XKR9: variants seen among roughly 807,000 people sequenced by gnomAD.
XKR9 encodes the protein XK related 9, also known as XK-related protein 9.
In XKR9, 32 loss-of-function variants were observed where a neutral mutation model predicts 32.0. That is an observed-to-expected ratio of 1.00 (90% CI 0.76 to 1.34). XKR9 has a LOEUF of 1.34. Among genes scored for constraint, XKR9 ranks in the 40% most tolerant of loss-of-function variants. The pLI is 0.00. For synonymous variants in XKR9, 168 were observed against 143.4 expected (o/e 1.17, Z -1.22); for missense variants, 546 against 429.7 (o/e 1.27, Z -2.39).
the XKR9 span, among the ~76,000 whole-genome samples, chr8:70,831,252 C>G: frequency 6.9e-6 from 1 of 145,112 alleles, no homozygotes; most frequent in South Asian, 2.1e-4. Flanking sequence ...GATCGTGCCA[C>G]TGCACTCTAG....
At chr8:70,766,254 AC>A (rs1440205337) in intron 2 of XKR9, among the ~76,000 whole-genome samples, 1 of 152,106 alleles carries the variant, frequency 6.6e-6, no homozygotes, top group Non-Finnish European at 1.5e-5. Flanking sequence ...ATGTTCTTCC[AC>A]TTGTTTGTGT....
chr8:71,043,362 C>T, the XKR9 span, among the ~76,000 whole-genome samples: 44 of 152,280 alleles, frequency 2.9e-4, no homozygotes, highest in African/African-American at 1.0e-3. Context: ...ATGTCCAATT[C>T]TGAGTTGAAA....
chr8:71,044,046 T>C, the XKR9 span, among the ~76,000 whole-genome samples: 1 of 152,142 alleles, frequency 6.6e-6, no homozygotes, highest in Non-Finnish European at 1.5e-5. Context: ...GTTGGAAGGA[T>C]TCATTAAAAT....
chr8:70,813,560 T>C, the XKR9 span, among the ~76,000 whole-genome samples: 1 of 151,962 alleles, frequency 6.6e-6, no homozygotes, highest in Non-Finnish European at 1.5e-5. Context: ...AGGGCTAATA[T>C]CCAGAATCTA....
chr8:70,997,232 G>A, the XKR9 span, among the ~76,000 whole-genome samples: 2 of 151,950 alleles, frequency 1.3e-5, no homozygotes, highest in East Asian at 1.9e-4. Context: ...GGAAGGCGGA[G>A]GTTGCAGTGA....
intron 2 of XKR9, among the ~76,000 whole-genome samples, chr8:70,745,581 G>T (rs1807047465): frequency 6.6e-6 from 1 of 152,136 alleles, no homozygotes; most frequent in South Asian, 2.1e-4. Context: ...CTTGAAATTT[G>T]CGTGTTTAAA....
intron 2 of XKR9, among the ~76,000 whole-genome samples, chr8:70,746,815 T>C (rs532916977): frequency 6.6e-5 from 10 of 151,972 alleles, no homozygotes; most frequent in Non-Finnish European, 1.3e-4. Context: ...ATTTGTTACA[T>C]TGGTATATTA....
intron 4 of XKR9, among the ~76,000 whole-genome samples, chr8:70,716,147 G>T (rs1384909217): frequency 1.3e-5 from 2 of 151,426 alleles, no homozygotes; most frequent in South Asian, 2.1e-4. Flanking sequence ...GTATATAGAG[G>T]AGTTTTATTA....
chr8:70,877,294 G>C, the XKR9 span, among the ~76,000 whole-genome samples: 1 of 152,302 alleles, frequency 6.6e-6, no homozygotes, highest in South Asian at 2.1e-4. Context: ...TTTAAGGTTA[G>C]ATTTGGGTGG....
At chr8:70,693,002 T>G (rs1805135174) in intron 3 of XKR9, among the ~76,000 whole-genome samples, 1 of 152,212 alleles carries the variant, frequency 6.6e-6, no homozygotes, top group Non-Finnish European at 1.5e-5. Flanking sequence ...TTGTGTGGTT[T>G]TTGTCTTTAG....
chr8:70,726,048 C>G (rs1419263796), intron 4 of XKR9, among the ~76,000 whole-genome samples: 1 of 152,178 alleles, frequency 6.6e-6, no homozygotes, highest in Non-Finnish European at 1.5e-5. Context: ...TGAGCAGAAT[C>G]CAATTTGAGG....
intron 3 of XKR9, among the ~76,000 whole-genome samples, chr8:70,701,172 G>A (rs912488743): frequency 3.9e-5 from 6 of 152,108 alleles, no homozygotes; most frequent in East Asian, 3.9e-4. Context: ...GCTTCGGCTC[G>A]TGCACAGTGT....
At chr8:71,047,134 C>T in the XKR9 span, among the ~76,000 whole-genome samples, 527 of 152,260 alleles carry the variant, frequency 3.5e-3, 4 homozygotes, top group Non-Finnish European at 6.1e-3. Flanking sequence ...GAGAATTATG[C>T]GTGGTTTGTC....
intron 2 of XKR9, among the ~76,000 whole-genome samples, chr8:70,763,663 T>A: frequency 6.6e-6 from 1 of 152,142 alleles, no homozygotes; most frequent in South Asian, 2.1e-4. Context: ...TCTGAAAAAA[T>A]TATTTTTTTC....
At chr8:71,013,129 G>C in the XKR9 span, among the ~76,000 whole-genome samples, 2 of 152,160 alleles carry the variant, frequency 1.3e-5, no homozygotes, top group Non-Finnish European at 2.9e-5. Context: ...TAGAACTTAA[G>C]CTCGTTTCGA....
chr8:70,973,821 G>T, the XKR9 span, among the ~76,000 whole-genome samples: 1 of 152,164 alleles, frequency 6.6e-6, no homozygotes, highest in Non-Finnish European at 1.5e-5. Context: ...TGTCGTTGGA[G>T]AGAGTACTTG....
At chr8:70,755,527 A>G (rs1285234771) in intron 2 of XKR9, among the ~76,000 whole-genome samples, 1 of 152,156 alleles carries the variant, frequency 6.6e-6, no homozygotes, top group Non-Finnish European at 1.5e-5. Context: ...CAACAATGAT[A>G]GACTGGATTA....
the XKR9 span, among the ~76,000 whole-genome samples, chr8:70,902,075 G>C: frequency 1.4e-3 from 220 of 152,316 alleles, 2 homozygotes; most frequent in Non-Finnish European, 8.1e-4. Flanking sequence ...ATAGTTTGAA[G>C]TCAGGTAGCA....
At chr8:70,752,374 T>C (rs562140975) in intron 2 of XKR9, among the ~76,000 whole-genome samples, 11 of 152,322 alleles carry the variant, frequency 7.2e-5, no homozygotes, top group East Asian at 1.9e-4. Flanking sequence ...GGTTCAAGAT[T>C]GAGTGGCCAC....
Sources: allele counts gnomAD v4.1 joint callset (sites outside exome capture counted in the v4.1 genomes callset), GRCh38; gene constraint gnomAD v4.1.1; transcripts MANE v1.5; gene names NCBI Gene and HGNC (gene_info 2026-07-23, HGNC 2026-07-21).